The following PXDNL variants were observed in gnomAD, a reference collection of about 807,000 sequenced individuals.
The protein encoded by PXDNL is peroxidasin like, also known as probable oxidoreductase PXDNL.
In PXDNL, 145 loss-of-function variants were observed where a neutral mutation model predicts 150.8. The observed-to-expected ratio is 0.96, with a 90% CI of 0.84 to 1.10. The LOEUF (loss-of-function observed/expected upper bound fraction) is 1.10. Ranked by LOEUF, PXDNL falls within the 50% of genes least tolerant of loss-of-function variation. PXDNL has a pLI of 0.00. For missense variants in PXDNL, 2,087 were observed against 1,873.9 expected, an observed-to-expected ratio of 1.11 and a Z score of -2.10; for synonymous variants, 757 against 725.7, an observed-to-expected ratio of 1.04 and a Z score of -0.69.
At position 51,398,396 on chromosome 8, in the gene PXDNL, T is replaced by C. The variant is rs549905946; in HGVS notation, c.3557+9671A>G. ...GTCCTGGGGATGGCTGGCTGACACC[T>C]GAGCAAGAGGAACTGCATGAGGTAT... On this transcript the variant is annotated intron_variant, in intron 17 of 22. Coordinates refer to ENST00000356297, the MANE Select transcript of PXDNL (RefSeq NM_144651.5). 2.0e-4 allele frequency among the ~76,000 whole-genome samples: 30 copies of C among 152,332 alleles called. No individual in the cohort carries two copies. In the South Asian group the frequency reaches 6.2e-3, roughly 32 times the overall value.
chr8:51,608,477 T>C (rs939964562), intron 2 of PXDNL, among the ~76,000 whole-genome samples: 1 of 148,382 alleles, frequency 6.7e-6, no homozygotes, highest in African/African-American at 2.6e-5. Context: ...AGGACAACTC[T>C]TTCATTGACT....
chr8:51,486,437 AT>A, intron 5 of PXDNL, among the ~76,000 whole-genome samples: 1 of 151,966 alleles, frequency 6.6e-6, no homozygotes, highest in Non-Finnish European at 1.5e-5. Flanking sequence ...AAGCAGATTA[AT>A]CTAAGTCTCA....
intron 1 of PXDNL, among the ~76,000 whole-genome samples, chr8:51,791,520 C>T (rs73590430): frequency 4.6e-5 from 7 of 152,296 alleles, no homozygotes; most frequent in South Asian, 2.1e-4. Context: ...GTTAACCCAA[C>T]GCAGCTGTGA....
chr8:51,535,824 C>A (rs7845688), intron 4 of PXDNL, among the ~76,000 whole-genome samples: 4,642 of 152,102 alleles, frequency 0.031, 228 homozygotes, highest in African/African-American at 0.11. Context: ...CTCTTATTTT[C>A]CTTAAAAAGA....
At position 51,423,282 on chromosome 8, in the gene PXDNL, T is replaced by TA. The variant is rs1809004487; in HGVS notation, c.1795+292dup. Among the ~76,000 whole-genome samples, 4 of 152,368 alleles carry TA rather than the reference T, an allele frequency of 2.6e-5. No homozygotes were observed. The South Asian group carries it at 8.3e-4, about 32-fold the overall frequency. ...TCCGGCTCCACATTTTGGCTATAAA[T>TA]ACATCTTGCATTCTATTATTTTTGG... On this transcript the variant is annotated intron_variant, in intron 14 of 22. Coordinates refer to ENST00000356297, the MANE Select transcript of PXDNL (RefSeq NM_144651.5).
intron 2 of PXDNL, among the ~76,000 whole-genome samples, chr8:51,643,574 T>C (rs980886094): frequency 3.3e-5 from 5 of 152,144 alleles, no homozygotes; most frequent in African/African-American, 1.2e-4. Flanking sequence ...ATGTTAGACC[T>C]AAAACCATAA....
At chr8:51,490,432 G>C (rs1486749267) in intron 5 of PXDNL, among the ~76,000 whole-genome samples, 1 of 151,904 alleles carries the variant, frequency 6.6e-6, no homozygotes, top group African/African-American at 2.4e-5. Context: ...TAATAACATA[G>C]CTAACAGAGT....
intron 21 of PXDNL, among the ~76,000 whole-genome samples, chr8:51,334,352 T>C (rs911055653): frequency 2.6e-5 from 4 of 151,938 alleles, no homozygotes; most frequent in Non-Finnish European, 5.9e-5. Flanking sequence ...GCCCTAAATG[T>C]CAACATCAAA....
chr8:51,331,224 T>A (rs1008371659), intron 21 of PXDNL, among the ~76,000 whole-genome samples: 1 of 152,016 alleles, frequency 6.6e-6, no homozygotes, highest in Non-Finnish European at 1.5e-5. Context: ...AAGCTTAAGG[T>A]CTGTTTGTGG....
At chr8:51,324,256 T>C (rs1805418263) in intron 21 of PXDNL, among the ~76,000 whole-genome samples, 1 of 152,224 alleles carries the variant, frequency 6.6e-6, no homozygotes, top group Non-Finnish European at 1.5e-5. Flanking sequence ...TCCTTTTCAA[T>C]CTATAGGCCT....
chr8:51,572,892 A>G (rs1207770523), intron 3 of PXDNL, among the ~76,000 whole-genome samples: 1 of 151,962 alleles, frequency 6.6e-6, no homozygotes, highest in Non-Finnish European at 1.5e-5. Flanking sequence ...GACATTACAT[A>G]TAAGACAAAC....
intron 3 of PXDNL, among the ~76,000 whole-genome samples, chr8:51,570,706 A>G (rs1358704101): frequency 1.3e-5 from 2 of 151,914 alleles, no homozygotes; most frequent in African/African-American, 4.8e-5. Flanking sequence ...AATAGTGTAT[A>G]CTTATAATGT....
chr8:51,687,014 G>C (rs9650303), intron 1 of PXDNL, among the ~76,000 whole-genome samples: 3 of 151,830 alleles, frequency 2.0e-5, no homozygotes, highest in African/African-American at 4.8e-5. Flanking sequence ...ATTAATTTTA[G>C]ACTTAAGAAA....
At chr8:51,799,028 A>G (rs185877790) in intron 1 of PXDNL, among the ~76,000 whole-genome samples, 7 of 152,370 alleles carry the variant, frequency 4.6e-5, no homozygotes. Context: ...AAAATGTAGT[A>G]CATATACACC....
intron 12 of PXDNL, among the ~76,000 whole-genome samples, chr8:51,429,522 G>A (rs928681927): frequency 6.6e-5 from 10 of 151,884 alleles, no homozygotes; most frequent in African/African-American, 1.5e-4. Context: ...TGGAGGTTGC[G>A]GTGAGCCACT....
intron 19 of PXDNL, among the ~76,000 whole-genome samples, chr8:51,353,410 G>A (rs1463819071): frequency 6.6e-6 from 1 of 151,544 alleles, no homozygotes; most frequent in Non-Finnish European, 1.5e-5. Flanking sequence ...CTACAAGTTT[G>A]TTTCTGTATT....
chr8:51,507,817 G>A (rs1811325040), intron 4 of PXDNL, among the ~76,000 whole-genome samples: 1 of 152,244 alleles, frequency 6.6e-6, no homozygotes, highest in Non-Finnish European at 1.5e-5. Flanking sequence ...GTTGCTCAAC[G>A]TCCTATCCTA....
chr8:51,672,946 A>G (rs956610113), intron 1 of PXDNL, among the ~76,000 whole-genome samples: 1 of 152,196 alleles, frequency 6.6e-6, no homozygotes, highest in Non-Finnish European at 1.5e-5. Context: ...GAAAGTTACA[A>G]GAAAACAGGA....
chr8:51,505,351 T>C (rs1811263278), intron 4 of PXDNL, among the ~76,000 whole-genome samples: 1 of 147,510 alleles, frequency 6.8e-6, no homozygotes, highest in African/African-American at 2.5e-5. Context: ...CTGGTATCGC[T>C]TTAGCTTTCA....
Sources: gnomAD v4.1 joint callset for allele counts (sites outside exome capture counted in the v4.1 genomes callset) on GRCh38, gnomAD v4.1.1 for gene constraint, MANE v1.5 for transcripts, NCBI Gene and HGNC (gene_info 2026-07-23, HGNC 2026-07-21) for gene names.